ITGA4: variants seen among roughly 807,000 people sequenced by gnomAD.
The protein encoded by ITGA4 is integrin alpha-4.
A neutral mutation model predicts 133.6 loss-of-function variants in ITGA4; 63 were observed. That is an observed-to-expected ratio of 0.47 (90% CI 0.38 to 0.58). ITGA4 has a LOEUF of 0.58. Ranked by LOEUF, ITGA4 falls within the 20% of genes least tolerant of loss-of-function variation. The pLI, the probability that ITGA4 is intolerant of heterozygous loss-of-function variation, is 0.00. For missense variants in ITGA4, 1,076 were observed against 1,252.7 expected (o/e 0.86, Z 2.13); for synonymous variants, 483 against 438.0 (o/e 1.10, Z -1.28).
rs762421271 is a variant in ITGA4, at chr2:181,535,548, G to A, written c.*21G>A. On this transcript the variant is annotated 3_prime_UTR_variant, in exon 28 of 28. Transcript: ENST00000397033. Reference sequence around the variant, plus strand: ...ATTAAGGACTTCTTTCAAATTGAGAGAATGGAAAACAGACTCAGGTTGTAG... The same window carrying A: ...ATTAAGGACTTCTTTCAAATTGAGAAAATGGAAAACAGACTCAGGTTGTAG... The A allele has an allele frequency of 1.9e-6, 3 of 1,582,038 alleles. No homozygotes were observed. Among genetic ancestry groups the A allele is most frequent in the South Asian group, 1.2e-5 (1 of 84,548 alleles).
intron 15 of ITGA4, among the ~76,000 whole-genome samples, chr2:181,502,300 G>A (rs1278196129): frequency 6.6e-6 from 1 of 152,120 alleles, no homozygotes; most frequent in African/African-American, 2.4e-5. Flanking sequence ...TGCCACAAAG[G>A]TGACCAAAGA....
In ITGA4 at chr2:181,521,396, T is replaced by G. The variant is rs529781813; in HGVS notation, c.1923-795T>G. 4.6e-5 allele frequency among the ~76,000 whole-genome samples: 7 copies of G among 152,282 alleles called. No individual in the cohort carries two copies. In the South Asian group the frequency reaches 1.5e-3, roughly 32 times the overall value. On this transcript the variant is annotated intron_variant, in intron 17 of 27. Transcript: ENST00000397033. ...CTCAAATACTTCATATTTAAAATAT[T>G]TTAAGGACTTTATACAGTATACATA...
chr2:181,527,394 A>C lies in ITGA4; in HGVS notation c.2430+7A>C. ...AATGAACTTAACTTTCCATGTAAGA[A>C]AAGTTAATTGTGTTAATATTTGTAA... On this transcript the variant is annotated splice_region_variant and intron_variant, in intron 22 of 27. Coordinates refer to ENST00000397033, the MANE Select transcript of ITGA4 (RefSeq NM_000885.6). The C allele has an allele frequency of 6.4e-7, 1 of 1,572,804 alleles. No homozygotes were observed.
chr2:181,481,921 A>G (rs1435801251), intron 7 of ITGA4, among the ~76,000 whole-genome samples: 1 of 152,236 alleles, frequency 6.6e-6, no homozygotes, highest in African/African-American at 2.4e-5. Context: ...ATTATAAGAT[A>G]GAACTATCTA....
intron 10 of ITGA4, among the ~76,000 whole-genome samples, chr2:181,488,737 T>C (rs559776235): frequency 6.6e-6 from 1 of 152,110 alleles, no homozygotes; most frequent in Non-Finnish European, 1.5e-5. Context: ...TTTTTGTGTT[T>C]TTAGTAGAGA....
At chr2:181,467,217 C>G (rs1685440561) in intron 2 of ITGA4, among the ~76,000 whole-genome samples, 1 of 111,956 alleles carries the variant, frequency 8.9e-6, no homozygotes, top group East Asian at 2.2e-4. Context: ...TGGAATAGAG[C>G]TTCAGCTTAA....
intron 2 of ITGA4, among the ~76,000 whole-genome samples, chr2:181,462,698 C>T (rs1431871631): frequency 3.9e-5 from 6 of 152,172 alleles, no homozygotes; most frequent in African/African-American, 1.4e-4. Flanking sequence ...TTATTTCCAG[C>T]AGTTTCCCAA....
In ITGA4 at chr2:181,522,189, A is replaced by T; in HGVS notation, c.1923-2A>T. 6.4e-7 allele frequency: 1 copy of T among 1,557,632 alleles called. No individual in the cohort carries two copies. Among genetic ancestry groups the T allele is most frequent in the Non-Finnish European group, 8.8e-7 (1 of 1,142,254 alleles). On this transcript the variant is annotated splice_acceptor_variant, in intron 17 of 27. Coordinates refer to ENST00000397033, the MANE Select transcript of ITGA4 (RefSeq NM_000885.6). LOFTEE classifies it high-confidence loss of function. ...AACTAAATAATATTACTTAATTTTT[A>T]GGCCCCATGAAAATAAAACATATCT...
chr2:181,483,426 A>G (rs1685848875), intron 9 of ITGA4, among the ~76,000 whole-genome samples: 1 of 152,182 alleles, frequency 6.6e-6, no homozygotes, highest in African/African-American at 2.4e-5. Context: ...AGACCAGTTC[A>G]TTTATAATGG....
At chr2:181,457,894 G>T in intron 1 of ITGA4, 43 bp downstream of exon 1, 3 of 1,532,528 alleles carry the variant, frequency 2.0e-6, no homozygotes, top group Non-Finnish European at 2.7e-6. Flanking sequence ...GCTCAGAGCG[G>T]CGTGAGAATG....
chr2:181,538,484 ACAGT>A lies in ITGA4; in HGVS notation c.*2962_*2965del, dbSNP rs552664851. ...CAATGCTCTCCATTACCTCTGTAAA[ACAGT>A]CAGTTATGCCTCTAGAACACCCATG... On this transcript the variant is annotated 3_prime_UTR_variant, in exon 28 of 28. Transcript: ENST00000397033. 1.1e-4 allele frequency among the ~76,000 whole-genome samples: 16 copies of A among 151,178 alleles called. No homozygotes were observed. The Middle Eastern group carries it at 0.01, about 96-fold the overall frequency.
rs115656441 is a variant in ITGA4 at position 181,516,444 on chromosome 2, T to C, written c.1922+4669T>C. ...TCTTTCCAGCTCTCTCAGCTTTTCCTCATGATCACAGTATAGCCAAGCAGC... is the reference window on the plus strand; with the variant it reads ...TCTTTCCAGCTCTCTCAGCTTTTCCCCATGATCACAGTATAGCCAAGCAGC... On this transcript the variant is annotated intron_variant, in intron 17 of 27. Coordinates refer to ENST00000397033, the MANE Select transcript of ITGA4 (RefSeq NM_000885.6). The surrounding 1 kb of genome is among the most constrained non-coding windows in gnomAD (Gnocchi z 4.0). Among the ~76,000 whole-genome samples, 2,343 of 152,132 alleles carry C rather than the reference T, an allele frequency of 0.015. 69 individuals carry two copies. Among genetic ancestry groups the C allele is most frequent in the African/African-American group, 0.054 (2,258 of 41,528 alleles).
chr2:181,485,837 C>T, intron 9 of ITGA4, 44 bp from the exon 10 acceptor site: 1 of 1,478,200 alleles, frequency 6.8e-7, no homozygotes, highest in East Asian at 2.3e-5. Context: ...GTAAAGTTGT[C>T]AGGGAGTGTT....
At position 181,527,310 on chromosome 2, in the gene ITGA4, A is replaced by C; in HGVS notation, c.2353A>C (p.Thr785Pro). ...KLTVHGFVNP[T>P]SFVYGSNDEN... is the part of the protein sequence containing the mutation. ...TGTTTTTACCAGGTTTGTAAACCCA[A>C]CTTCATTTGTGTATGGATCAAATGA... Residue 785 changes from threonine to proline, a missense_variant, in exon 22 of 28, where the codon ACT becomes CCT. Physicochemically the swap from Thr to Pro is conservative, Grantham distance 38. This residue lies in a region of ITGA4 where 365 missense variants were observed against 421.4 expected (regional missense o/e 0.87). Transcript: ENST00000397033. The C allele has an allele frequency of 6.2e-7, 1 of 1,609,374 alleles. No homozygotes were observed. Among genetic ancestry groups the C allele is most frequent in the East Asian group, 2.2e-5 (1 of 44,784 alleles).
Position 181,530,652 on chromosome 2 carries a change from A to C in ITGA4, c.2664+3A>C. Reference sequence around the variant, plus strand: ...CCAAGACTGATAAGAGGCTATTGGTAAGTTTCAGTTTTTCAGGTTGTAGTT... The same window carrying C: ...CCAAGACTGATAAGAGGCTATTGGTCAGTTTCAGTTTTTCAGGTTGTAGTT... On this transcript the variant is annotated splice_donor_region_variant and intron_variant, in intron 24 of 27. Transcript: ENST00000397033. The C allele has an allele frequency of 6.2e-7, 1 of 1,608,132 alleles. No homozygotes were observed. The highest frequency in any genetic ancestry group is 1.1e-5 in the South Asian group (1 of 89,854).
At chr2:181,488,743 AG>A (rs1368420484) in intron 10 of ITGA4, among the ~76,000 whole-genome samples, 1 of 151,928 alleles carries the variant, frequency 6.6e-6, no homozygotes, top group East Asian at 1.9e-4. Context: ...TGTTTTTAGT[AG>A]AGACAGGGTT....
intron 9 of ITGA4, among the ~76,000 whole-genome samples, chr2:181,482,951 A>T (rs1685839016): frequency 6.6e-6 from 1 of 152,158 alleles, no homozygotes; most frequent in African/African-American, 2.4e-5. Context: ...ATACTAATCT[A>T]ATTTGAAAGA....
Position 181,522,378 on chromosome 2 carries a change from G to A in ITGA4, c.2073+37G>A, listed in dbSNP as rs754122860. On this transcript the variant is annotated intron_variant, in intron 18 of 27. Coordinates refer to ENST00000397033, the MANE Select transcript of ITGA4 (RefSeq NM_000885.6). ...AAACCACAATAGCATGATACTACTT[G>A]GTATTTTACTTAATTTTTTAAAAGT... 2.8e-6 allele frequency: 4 copies of A among 1,418,700 alleles called. No individual in the cohort carries two copies. In the Admixed American group the frequency reaches 6.5e-5, roughly 23 times the overall value. 87.9% of individuals were successfully genotyped at this position (1,418,700 alleles called of 1,614,324 possible). A position where few individuals can be genotyped will look rare whatever the true frequency, so the allele number is the denominator to read the frequency against.
chr2:181,530,634 T>C lies in ITGA4; in HGVS notation c.2649T>C (p.Thr883=). Residue 883 remains threonine (T), a synonymous_variant, in exon 24 of 28, where the codon ACT becomes ACC. Coordinates refer to ENST00000397033, the MANE Select transcript of ITGA4 (RefSeq NM_000885.6). ...GCATAGTCCGGTTCTTGTCCAAGACTGATAAGAGGCTATTGGTAAGTTTCA... is the reference window on the plus strand; with the variant it reads ...GCATAGTCCGGTTCTTGTCCAAGACCGATAAGAGGCTATTGGTAAGTTTCA... The part of the protein sequence containing the change: ...LKGIVRFLSK[T]DKRLLYCIKA... 2 of 1,611,214 alleles carry C rather than the reference T, an allele frequency of 1.2e-6. No individual in the cohort carries two copies. The highest frequency in any genetic ancestry group is 2.2e-5 in the South Asian group (2 of 90,562).
Sources: gnomAD v4.1 joint callset for allele counts (sites outside exome capture counted in the v4.1 genomes callset) on GRCh38, gnomAD v4.1.1 for gene constraint, gnomAD v4.1.1 regional missense constraint, Gnocchi (gnomAD v3.1) non-coding constraint, MANE v1.5 for transcripts, NCBI Gene and HGNC (gene_info 2026-07-23, HGNC 2026-07-21) for gene names.